GRM1: variants seen among roughly 807,000 people sequenced by gnomAD.
The protein encoded by GRM1 is metabotropic glutamate receptor 1.
In GRM1, 33 loss-of-function variants were observed where a neutral mutation model predicts 90.9. The ratio of observed to expected loss-of-function variants is 0.36; its 90% CI spans 0.28 to 0.49. The LOEUF (loss-of-function observed/expected upper bound fraction) is 0.49. Ranked by LOEUF, GRM1 falls within the 20% of genes least tolerant of loss-of-function variation. GRM1 has a pLI of 0.99. For missense variants in GRM1, 1,190 were observed against 1,534.3 expected (o/e 0.78, Z 3.75); for synonymous variants, 700 against 613.2 (o/e 1.14, Z -2.09).
intron 1 of GRM1, among the ~76,000 whole-genome samples, chr6:146,091,318 G>A (rs774988547): frequency 8.5e-5 from 13 of 152,134 alleles, no homozygotes; most frequent in Non-Finnish European, 1.6e-4. Context: ...ATGGGAAAGT[G>A]AGGAGGCCGG....
chr6:146,143,931 A>T (rs780984569), intron 1 of GRM1, among the ~76,000 whole-genome samples: 5 of 152,238 alleles, frequency 3.3e-5, no homozygotes, highest in Admixed American at 6.5e-5. Context: ...TCAAGGTCAT[A>T]GCTAGTTAGA....
chr6:146,319,840 C>T (rs1253030211), intron 3 of GRM1, among the ~76,000 whole-genome samples: 1 of 152,126 alleles, frequency 6.6e-6, no homozygotes, highest in Non-Finnish European at 1.5e-5. Flanking sequence ...GCTAAAGTTG[C>T]TTATCAGCTT....
At chr6:146,409,017 A>C (rs1293589236) in intron 7 of GRM1, among the ~76,000 whole-genome samples, 2 of 152,228 alleles carry the variant, frequency 1.3e-5, no homozygotes, top group Non-Finnish European at 2.9e-5. Flanking sequence ...CATTAATTAG[A>C]ATACTTTGGC....
chr6:146,427,189 A>G (rs1160047176), intron 7 of GRM1, among the ~76,000 whole-genome samples: 1 of 152,122 alleles, frequency 6.6e-6, no homozygotes, highest in Non-Finnish European at 1.5e-5. Flanking sequence ...AGTCCCACAA[A>G]AAGTACACTT....
At position 146,399,676 on chromosome 6, in the gene GRM1, G is replaced by C; in HGVS notation, c.2637G>C (p.Lys879Asn). The change falls in exon 7 of 8, where the codon AAG (lysine) becomes AAC (asparagine). Residue 879 changes from lysine (K) to asparagine (N), a missense_variant. Lys to Asn is a moderately conservative substitution (Grantham distance 94). This residue lies in a region of GRM1 where 400 missense variants were observed against 360.8 expected (regional missense o/e 1.11). Coordinates refer to ENST00000282753, the MANE Select transcript of GRM1 (RefSeq NM_001278064.2). This position sits in a 1 kb window ranked among gnomAD's most constrained non-coding sequence, Gnocchi z 5.4. ...SNTFLNIFRR[K>N]KAGAGNANSN... ...CTTTCCTCAACATCTTCCGAAGAAA[G>C]AAGGCAGGGGCAGGGAATGCCAAGT... is the stretch of plus-strand genomic sequence containing the variant. 6.2e-7 allele frequency: 1 copy of C among 1,612,668 alleles called. No homozygotes were observed. The highest frequency in any genetic ancestry group is 1.1e-5 in the South Asian group (1 of 91,004).
At position 146,433,870 on chromosome 6, in the gene GRM1, A is replaced by G. The variant is rs774570315; in HGVS notation, c.2661-2A>G. 1 of 1,597,754 alleles carries G rather than the reference A, an allele frequency of 6.3e-7. No individual in the cohort carries two copies. Among genetic ancestry groups the G allele is most frequent in the Non-Finnish European group, 8.6e-7 (1 of 1,165,114 alleles). ...ATAAATCCATCTCTATTTTATTCAT[A>G]GTTCTAATGGCAAGTCTGTGTCATG... On this transcript the variant is annotated splice_acceptor_variant, in intron 7 of 7. Transcript: ENST00000282753. LOFTEE classifies it high-confidence loss of function.
At chr6:146,304,575 T>C (rs752145414) in intron 2 of GRM1, 36 bp from the exon 3 acceptor site, 37 of 1,377,884 alleles carry the variant, frequency 2.7e-5, no homozygotes, top group Middle Eastern at 1.8e-4. Context: ...GATGTTTGTC[T>C]TTCTCTCTCC....
intron 7 of GRM1, among the ~76,000 whole-genome samples, chr6:146,416,290 T>G (rs1223727801): frequency 6.6e-6 from 1 of 152,130 alleles, no homozygotes; most frequent in Non-Finnish European, 1.5e-5. Flanking sequence ...ATTTTATTTT[T>G]TTTCCTTCTT....
At chr6:146,028,674 C>T (rs1790591833), upstream of GRM1, among the ~76,000 whole-genome samples, 1 of 152,184 alleles carries the variant, frequency 6.6e-6, no homozygotes, top group African/African-American at 2.4e-5. Context: ...GGATTTTCTT[C>T]AAGCTGGCAA....
intron 2 of GRM1, among the ~76,000 whole-genome samples, chr6:146,229,077 G>A (rs1267731525): frequency 6.6e-6 from 1 of 152,018 alleles, no homozygotes; most frequent in African/African-American, 2.4e-5. Context: ...GAGGAAATAT[G>A]CTTTAGTAGC....
chr6:146,350,863 T>G (rs886276973), intron 3 of GRM1, among the ~76,000 whole-genome samples: 1 of 152,230 alleles, frequency 6.6e-6, no homozygotes, highest in African/African-American at 2.4e-5. Context: ...CTTTTAACAA[T>G]GTCTTATCTT....
rs1582899303 is a variant in GRM1, at chr6:146,030,195, T to G, written c.678T>G (p.Tyr226Ter). The G allele has an allele frequency of 6.2e-7, 1 of 1,612,986 alleles. No homozygotes were observed. The highest frequency in any genetic ancestry group is 1.7e-5 in the Admixed American group (1 of 60,010). ...TAGTCAAACGTTACAATTGGACCTA[T>G]GTCTCTGCAGTCCACACGGAAGGTA... is the stretch of plus-strand genomic sequence containing the variant. ...LDIVKRYNWT[Y>*]VSAVHTEGNY... The change falls in exon 1 of 8, where the codon TAT (tyrosine) becomes TAG (stop). Residue 226 changes from tyrosine (Y) to a stop codon, truncating the protein, a stop_gained. Transcript: ENST00000282753. LOFTEE classifies it high-confidence loss of function.
intron 1 of GRM1, among the ~76,000 whole-genome samples, chr6:146,076,409 A>G (rs953705936): frequency 1.3e-5 from 2 of 152,210 alleles, no homozygotes; most frequent in African/African-American, 4.8e-5. Flanking sequence ...TCTGATCGCA[A>G]TATTCCAGTG....
At chr6:146,376,396 T>C (rs1160674130) in intron 5 of GRM1, among the ~76,000 whole-genome samples, 3 of 152,146 alleles carry the variant, frequency 2.0e-5, no homozygotes, top group Admixed American at 6.6e-5. Flanking sequence ...TTATTTATTG[T>C]TCATTAATGT....
At position 146,184,984 on chromosome 6, in the gene GRM1, A is replaced by T. The variant is rs181279045; in HGVS notation, c.950+25387A>T. ...GAAAGGTGGAGAACCAGAAATATTC[A>T]TTCTCCAGTAAAATGTTAGTAACAA... On this transcript the variant is annotated intron_variant, in intron 2 of 7. Transcript: ENST00000282753. Among the ~76,000 whole-genome samples the T allele has an allele frequency of 3.4e-3, 522 of 152,348 alleles. 3 individuals are homozygous for T. Among genetic ancestry groups the T allele is most frequent in the African/African-American group, 0.012 (498 of 41,588 alleles).
At chr6:146,329,503 A>T (rs1583334222) in intron 3 of GRM1, among the ~76,000 whole-genome samples, 1 of 152,136 alleles carries the variant, frequency 6.6e-6, no homozygotes, top group East Asian at 1.9e-4. Context: ...GATATCATGA[A>T]AGCAATGACA....
intron 3 of GRM1, among the ~76,000 whole-genome samples, chr6:146,344,304 A>G (rs1785094885): frequency 6.6e-6 from 1 of 152,172 alleles, no homozygotes; most frequent in African/African-American, 2.4e-5. Context: ...CAGTGCTTAT[A>G]TGTCATTCCT....
At chr6:146,116,943 C>T (rs1775772892) in intron 1 of GRM1, among the ~76,000 whole-genome samples, 1 of 151,900 alleles carries the variant, frequency 6.6e-6, no homozygotes, top group African/African-American at 2.4e-5. Flanking sequence ...CCCCCACTCC[C>T]ATTTTTATTT....
chr6:146,082,576 A>G (rs1340510966), intron 1 of GRM1, among the ~76,000 whole-genome samples: 1 of 152,104 alleles, frequency 6.6e-6, no homozygotes, highest in East Asian at 1.9e-4. Context: ...ACCTCTTCCC[A>G]TATCCAATCA....
Sources: gnomAD v4.1 joint callset for allele counts (sites outside exome capture counted in the v4.1 genomes callset) on GRCh38, gnomAD v4.1.1 for gene constraint, gnomAD v4.1.1 regional missense constraint, Gnocchi (gnomAD v3.1) non-coding constraint, MANE v1.5 for transcripts, NCBI Gene and HGNC (gene_info 2026-07-23, HGNC 2026-07-21) for gene names.